DROSHA: variants seen among roughly 807,000 people sequenced by gnomAD.
DROSHA encodes ribonuclease 3.
In DROSHA, 56 loss-of-function variants were observed where a neutral mutation model predicts 181.9. That is an observed-to-expected ratio of 0.31 (90% CI 0.25 to 0.38). The LOEUF (loss-of-function observed/expected upper bound fraction) is 0.38. DROSHA is among the 10% of genes least tolerant of loss of function. DROSHA has a pLI of 1.00. For synonymous variants in DROSHA, 524 were observed against 591.2 expected (o/e 0.89, Z 1.65); for missense variants, 1,218 against 1,743.5 (o/e 0.70, Z 5.37).
chr5:31,523,660 A>C (rs764270198), intron 5 of DROSHA, among the ~76,000 whole-genome samples: 1 of 152,206 alleles, frequency 6.6e-6, no homozygotes, highest in Non-Finnish European at 1.5e-5. Context: ...TAACATTTGC[A>C]CTATAAAACT....
chr5:31,504,716 G>C, intron 10 of DROSHA, 81 bp from the exon 11 acceptor site: 1 of 1,444,766 alleles, frequency 6.9e-7, no homozygotes, highest in Non-Finnish European at 9.6e-7. Context: ...AAAATGCGTG[G>C]GTTTTAATGT....
At chr5:31,459,935 A>C (rs1476646060) in intron 20 of DROSHA, among the ~76,000 whole-genome samples, 1 of 152,080 alleles carries the variant, frequency 6.6e-6, no homozygotes, top group Non-Finnish European at 1.5e-5. Flanking sequence ...CGCATTTGGC[A>C]TGAGTCTCCT....
At chr5:31,497,045 C>A (rs11956562) in intron 11 of DROSHA, among the ~76,000 whole-genome samples, 5,863 of 152,240 alleles carry the variant, frequency 0.039, 375 homozygotes, top group African/African-American at 0.14. Context: ...ATGGTAACCC[C>A]GTGCACTCGG....
chr5:31,526,940 AG>A (rs2035791191), intron 4 of DROSHA, 28 bp from the exon 5 acceptor site: 1 of 1,587,298 alleles, frequency 6.3e-7, no homozygotes, highest in Non-Finnish European at 8.6e-7. Flanking sequence ...AAAAGGGAAA[AG>A]TTTTTTTAAA....
chr5:31,501,301 TG>T (rs1753546245), intron 11 of DROSHA, among the ~76,000 whole-genome samples: 1 of 152,090 alleles, frequency 6.6e-6, no homozygotes, highest in Non-Finnish European at 1.5e-5. Flanking sequence ...TGACTTACAG[TG>T]GGTCTACTGA....
chr5:31,530,222 G>A (rs1741109971), intron 3 of DROSHA, among the ~76,000 whole-genome samples: 1 of 152,044 alleles, frequency 6.6e-6, no homozygotes, highest in Non-Finnish European at 1.5e-5. Flanking sequence ...CTGGGCTCAA[G>A]CAATCCTCTC....
At chr5:31,450,110 G>A (rs6880914) in intron 21 of DROSHA, among the ~76,000 whole-genome samples, 4,085 of 152,140 alleles carry the variant, frequency 0.027, 176 homozygotes, top group African/African-American at 0.094. Flanking sequence ...AAAACCACAA[G>A]GAGATACCAC....
Position 31,431,779 on chromosome 5 carries a change from G to A in DROSHA, c.3043-101C>T, listed in dbSNP as rs115081432. On this transcript the variant is annotated intron_variant, in intron 25 of 35. Transcript: ENST00000344624. ...AGAGAGTTGGTGCGGAGACGAGATG[G>A]GGGCAGCGTAATGGTTACAAATCCA... 676 of 1,006,710 alleles carry A rather than the reference G, an allele frequency of 6.7e-4. 6 individuals carry two copies. The African/African-American group carries it at 8.6e-3, about 13-fold the overall frequency. 62.4% of individuals were successfully genotyped at this position (1,006,710 alleles called of 1,614,324 possible). A position where few individuals can be genotyped will look rare whatever the true frequency, so the allele number is the denominator to read the frequency against.
chr5:31,419,009 A>C (rs1465434351), intron 30 of DROSHA, among the ~76,000 whole-genome samples: 1 of 152,232 alleles, frequency 6.6e-6, no homozygotes, highest in East Asian at 1.9e-4. Context: ...GAGAGACTCT[A>C]TTAAAAAGAG....
In DROSHA at chr5:31,412,090, G is replaced by C. The variant is rs530845340; in HGVS notation, c.3526-1203C>G. The stretch of plus-strand genomic sequence containing the variant: ...ATACACTGCATGAAAATTATGCAAC[G>C]AATCCATTATAGAAGTGTCCATAAA... On this transcript the variant is annotated intron_variant, in intron 30 of 35. Transcript: ENST00000344624. 1.3e-4 allele frequency among the ~76,000 whole-genome samples: 20 copies of C among 152,250 alleles called. No individual in the cohort carries two copies. The East Asian group carries it at 3.9e-3, about 29-fold the overall frequency.
chr5:31,443,885 T>C (rs753783305), intron 23 of DROSHA, among the ~76,000 whole-genome samples: 1 of 152,172 alleles, frequency 6.6e-6, no homozygotes, highest in African/African-American at 2.4e-5. Context: ...ACTTATTTAC[T>C]GAGTACCTGT....
intron 29 of DROSHA, chr5:31,421,839 C>A (rs1742694543): frequency 8.9e-6 from 1 of 112,434 alleles, no homozygotes; most frequent in Non-Finnish European, 1.7e-5. Flanking sequence ...AGTTTGAGAC[C>A]AGCCTGGCAA....
chr5:31,443,466 T>C (rs1243022053), intron 23 of DROSHA, among the ~76,000 whole-genome samples: 4 of 152,200 alleles, frequency 2.6e-5, no homozygotes, highest in Non-Finnish European at 5.9e-5. Context: ...CGTCGATTAC[T>C]TGAATCCACC....
intron 25 of DROSHA, among the ~76,000 whole-genome samples, chr5:31,433,188 A>C (rs1226629794): frequency 3.3e-5 from 5 of 152,234 alleles, no homozygotes; most frequent in African/African-American, 1.2e-4. Flanking sequence ...AAACACAAAG[A>C]CAATAAAAAT....
chr5:31,485,644 A>AAAAAC (rs1561236147), intron 14 of DROSHA, among the ~76,000 whole-genome samples: 2 of 148,396 alleles, frequency 1.3e-5, no homozygotes, highest in African/African-American at 2.5e-5. Context: ...TTAAAAAAAA[A>AAAAAC]AAAAAACCCT....
At chr5:31,437,908 C>T (rs913838518) in intron 23 of DROSHA, among the ~76,000 whole-genome samples, 6 of 152,120 alleles carry the variant, frequency 3.9e-5, no homozygotes, top group African/African-American at 1.4e-4. Flanking sequence ...TAGAGCCTTC[C>T]ACTCTCTCGC....
chr5:31,501,500 T>A (rs1753565654), intron 11 of DROSHA, among the ~76,000 whole-genome samples: 1 of 151,876 alleles, frequency 6.6e-6, no homozygotes, highest in South Asian at 2.1e-4. Flanking sequence ...AAAACCAATA[T>A]TGCACTGTGG....
intron 20 of DROSHA, among the ~76,000 whole-genome samples, chr5:31,454,164 T>C (rs1234007733): frequency 6.6e-6 from 1 of 152,118 alleles, no homozygotes; most frequent in African/African-American, 2.4e-5. Context: ...TCACCGCAAA[T>C]AACCCAAACT....
chr5:31,511,150 A>G lies in DROSHA; in HGVS notation c.1317T>C (p.Ser439=), dbSNP rs887913345. The change falls in exon 9 of 36, where the codon AGT becomes AGC. Residue 439 remains serine, a synonymous_variant. Transcript: ENST00000344624. ...QVGDSTVVGT[S]RLRDLYDKFE... The stretch of plus-strand genomic sequence containing the variant: ...ATTTGTCATATAAGTCACGAAGCCT[A>G]CTCGTTCCAACCACTGTAGAATCTC... The G allele has an allele frequency of 6.2e-7, 1 of 1,613,754 alleles. No individual in the cohort carries two copies. Among genetic ancestry groups the G allele is most frequent in the Non-Finnish European group, 8.5e-7 (1 of 1,179,836 alleles).
Sources: gnomAD v4.1 joint callset for allele counts (sites outside exome capture counted in the v4.1 genomes callset) on GRCh38, gnomAD v4.1.1 for gene constraint, MANE v1.5 for transcripts, NCBI Gene and HGNC (gene_info 2026-07-23, HGNC 2026-07-21) for gene names.